The following CACNB1 variants were observed in gnomAD, a reference collection of about 807,000 sequenced individuals.
CACNB1 encodes the protein voltage-dependent L-type calcium channel subunit beta-1.
In CACNB1, 29 loss-of-function variants were observed where a neutral mutation model predicts 71.6. That is an observed-to-expected ratio of 0.40 (90% CI 0.30 to 0.55). The LOEUF (loss-of-function observed/expected upper bound fraction) is 0.55, where lower values mean the gene tolerates loss of function less well. CACNB1 is among the 20% of genes least tolerant of loss of function. The pLI, the probability that CACNB1 is intolerant of heterozygous loss-of-function variation, is 0.38. For missense variants in CACNB1, 623 were observed against 801.8 expected, an observed-to-expected ratio of 0.78 and a Z score of 2.69; for synonymous variants, 300 against 319.6, an observed-to-expected ratio of 0.94 and a Z score of 0.65.
chr17:39,186,068 G>A lies in CACNB1; in HGVS notation c.628+428C>T. ...AGCCTCTTCCTCCTCTAACTCTAGG[G>A]GGTCTAGTTCAAAGGCTAAGTTAGT... On this transcript the variant is annotated intron_variant, in intron 6 of 13. Transcript: ENST00000394303. The surrounding 1 kb of genome is among the most constrained non-coding windows in gnomAD (Gnocchi z 4.1). 2 of 1,614,032 alleles carry A rather than the reference G, an allele frequency of 1.2e-6. No individual in the cohort carries two copies. The highest frequency in any genetic ancestry group is 1.7e-6 in the Non-Finnish European group (2 of 1,179,946).
At chr17:39,177,000 T>C in intron 13 of CACNB1, 1 of 672,290 alleles carries the variant, frequency 1.5e-6, no homozygotes, top group Non-Finnish European at 2.2e-6. Flanking sequence ...TCGCATGTCC[T>C]TCCTAGTCCC....
intron 2 of CACNB1, chr17:39,193,140 AC>A (rs2046123430): frequency 4.3e-6 from 1 of 232,702 alleles, no homozygotes; most frequent in South Asian, 4.1e-5. Context: ...ACATGCAGGC[AC>A]GCGCACGTGT....
chr17:39,185,757 T>C (rs1048654689), intron 6 of CACNB1, among the ~76,000 whole-genome samples: 5 of 152,112 alleles, frequency 3.3e-5, no homozygotes, highest in Admixed American at 3.3e-4. Flanking sequence ...ATCTCCTTCC[T>C]GGAGATCGGG....
intron 9 of CACNB1, 84 bp from the exon 10 acceptor site, chr17:39,184,224 G>T: frequency 7.7e-7 from 1 of 1,296,374 alleles, no homozygotes; most frequent in South Asian, 1.2e-5. Context: ...CCCGCCTTCT[G>T]TTCCTCAGTC....
At chr17:39,187,458 G>A (rs1411649020) in intron 4 of CACNB1, 21 bp downstream of exon 4, 1 of 1,613,236 alleles carries the variant, frequency 6.2e-7, no homozygotes, top group Non-Finnish European at 8.5e-7. Context: ...CCACTTCCCT[G>A]CCCTCCCTCC....
At chr17:39,181,877 G>A (rs186280948) in intron 11 of CACNB1, among the ~76,000 whole-genome samples, 2 of 152,136 alleles carry the variant, frequency 1.3e-5, no homozygotes, top group East Asian at 3.9e-4. Context: ...AATTAGCCAG[G>A]TGTGGCCGGG....
chr17:39,193,816 G>C (rs910566668), intron 2 of CACNB1: 10 of 180,490 alleles, frequency 5.5e-5, no homozygotes, highest in Non-Finnish European at 2.4e-5. Flanking sequence ...GGAGGGATGA[G>C]GGGGTGATTG....
chr17:39,181,295 T>C (rs1204585505), intron 11 of CACNB1, among the ~76,000 whole-genome samples: 2 of 152,144 alleles, frequency 1.3e-5, no homozygotes, highest in African/African-American at 4.8e-5. Flanking sequence ...GGTTTCATCA[T>C]GTTGCCCAGG....
chr17:39,188,027 A>G (rs1288593893), intron 3 of CACNB1, among the ~76,000 whole-genome samples: 1 of 151,848 alleles, frequency 6.6e-6, no homozygotes, highest in African/African-American at 2.4e-5. Flanking sequence ...CAACAACAAC[A>G]ACAACAAAAT....
intron 11 of CACNB1, among the ~76,000 whole-genome samples, chr17:39,178,796 C>A (rs1270229708): frequency 1.3e-5 from 2 of 152,160 alleles, no homozygotes; most frequent in African/African-American, 4.8e-5. Flanking sequence ...GACAACAATC[C>A]TGTTAGATAG....
intron 11 of CACNB1, among the ~76,000 whole-genome samples, chr17:39,180,815 T>C (rs1287035523): frequency 6.6e-6 from 1 of 152,084 alleles, no homozygotes. Flanking sequence ...TGAGCTCAAG[T>C]GATCCACCTG....
intron 11 of CACNB1, chr17:39,178,383 T>TTTG (rs1299526034): frequency 4.5e-6 from 1 of 223,150 alleles, no homozygotes; most frequent in East Asian, 9.8e-5. Flanking sequence ...TCCTTTTTTT[T>TTTG]TGTTTTTTTT....
rs2045554609 is a variant in CACNB1, at chr17:39,175,488, T to A, written c.1502A>T (p.Asp501Val). The change falls in exon 14 of 14, where the codon GAT becomes GTT. Residue 501 changes from aspartate to valine, a missense_variant. Physicochemically the swap from Asp to Val is radical, Grantham distance 152 (BLOSUM62 -3). Coordinates refer to ENST00000394303, the MANE Select transcript of CACNB1 (RefSeq NM_000723.5). The surrounding 1 kb of genome is among the most constrained non-coding windows in gnomAD (Gnocchi z 4.7). ...LRALSRQDTF[D>V]ADTPGSRNSA... ...GTTTCGGCTGCCGGGGGTGTCGGCA[T>A]CAAAAGTGTCTTGGCGGGACAGTGC... 1 of 1,613,870 alleles carries A rather than the reference T, an allele frequency of 6.2e-7. No homozygotes were observed. Among genetic ancestry groups the A allele is most frequent in the Non-Finnish European group, 8.5e-7 (1 of 1,180,008 alleles).
chr17:39,191,020 T>C lies in CACNB1; in HGVS notation c.291+454A>G, dbSNP rs571257969. On this transcript the variant is annotated intron_variant, in intron 3 of 13. Transcript: ENST00000394303. ...GAGATCGAGACCATCCTGGCTAACA[T>C]GGTGAAACCCCGTCTCTACTAAAAA... is the stretch of plus-strand genomic sequence containing the variant. Among the ~76,000 whole-genome samples the C allele has an allele frequency of 2.4e-4, 36 of 151,588 alleles. No individual in the cohort carries two copies. In the East Asian group the frequency reaches 4.2e-3, roughly 18 times the overall value.
rs2045511581 is a variant in CACNB1 at position 39,173,586 on chromosome 17, G to C, written c.*1607C>G. On this transcript the variant is annotated 3_prime_UTR_variant, in exon 14 of 14. Transcript: ENST00000394303. ...AGGTAAGTGAAGGGGCTCAGGGCCA[G>C]TGTGGAGCTGGGACTGCCCAAGCAG... 1 of 152,546 alleles carries C rather than the reference G, an allele frequency of 6.6e-6. No individual in the cohort carries two copies. Among genetic ancestry groups the C allele is most frequent in the Middle Eastern group, 3.4e-3 (1 of 296 alleles). 9.4% of individuals were successfully genotyped at this position (152,546 alleles called of 1,614,324 possible). A position where few individuals can be genotyped will look rare whatever the true frequency, so the allele number is the denominator to read the frequency against.
In CACNB1 at chr17:39,186,005, A is replaced by C. The variant is rs763501905; in HGVS notation, c.628+491T>G. The C allele has an allele frequency of 6.8e-6, 11 of 1,613,812 alleles. No homozygotes were observed. The East Asian group carries it at 2.5e-4, about 36-fold the overall frequency. ...GGGTGGCGGGGTGGTGACACTGCTA[A>C]CACTAGTCTTGGCAGAGCCACTCTG... On this transcript the variant is annotated intron_variant, in intron 6 of 13. Coordinates refer to ENST00000394303, the MANE Select transcript of CACNB1 (RefSeq NM_000723.5). The surrounding 1 kb of genome is among the most constrained non-coding windows in gnomAD (Gnocchi z 4.1).
chr17:39,188,141 G>T (rs578240734), intron 3 of CACNB1, among the ~76,000 whole-genome samples: 1 of 151,972 alleles, frequency 6.6e-6, no homozygotes, highest in Non-Finnish European at 1.5e-5. Context: ...AAATTAGCTG[G>T]GCATGGTGGC....
rs1280829414 is a variant in CACNB1 at position 39,177,394 on chromosome 17, T to C, written c.1288A>G (p.Thr430Ala). 1 of 1,613,388 alleles carries C rather than the reference T, an allele frequency of 6.2e-7. No homozygotes were observed. Among genetic ancestry groups the C allele is most frequent in the East Asian group, 2.2e-5 (1 of 44,868 alleles). Residue 430 changes from threonine to alanine, a missense_variant, in exon 13 of 14, where the codon ACC becomes GCC. Thr to Ala is a moderately conservative substitution (Grantham distance 58, BLOSUM62 0). Coordinates refer to ENST00000394303, the MANE Select transcript of CACNB1 (RefSeq NM_000723.5). ...GCAGGGCTGGCAGCCAGGGCTGCGG[T>C]AGCCATGGTGCGGTTCAGCAGCGGA... Reference protein sequence around the residue: ...PNPLLNRTMATAALAASPAPV... With the variant: ...PNPLLNRTMAAAALAASPAPV...
intron 11 of CACNB1, among the ~76,000 whole-genome samples, chr17:39,180,587 A>G (rs113650403): frequency 0.017 from 2,610 of 151,990 alleles, 82 homozygotes; most frequent in African/African-American, 0.059. Context: ...CCTGGGAGGC[A>G]GAGATTGCAG....
Sources: gnomAD v4.1 joint callset for allele counts (sites outside exome capture counted in the v4.1 genomes callset) on GRCh38, gnomAD v4.1.1 for gene constraint, Gnocchi (gnomAD v3.1) non-coding constraint, MANE v1.5 for transcripts, NCBI Gene and HGNC (gene_info 2026-07-23, HGNC 2026-07-21) for gene names.